DCC: variants seen among roughly 807,000 people sequenced by gnomAD.
The protein encoded by DCC is DCC netrin 1 receptor.
In DCC, 58 loss-of-function variants were observed where a neutral mutation model predicts 172.5. That is an observed-to-expected ratio of 0.34 (90% confidence interval 0.27 to 0.42). The LOEUF (loss-of-function observed/expected upper bound fraction) is 0.42, where lower values mean the gene tolerates loss of function less well. Among genes scored for constraint, DCC ranks in the 10% least tolerant of loss-of-function variants. DCC has a pLI of 1.00. For synonymous variants in DCC, 709 were observed against 644.5 expected (o/e 1.10, Z -1.52); for missense variants, 1,740 against 1,791.0 (o/e 0.97, Z 0.51).
intron 18 of DCC, among the ~76,000 whole-genome samples, chr18:53,398,402 T>C (rs769978827): frequency 2.0e-5 from 3 of 152,138 alleles, no homozygotes; most frequent in Non-Finnish European, 4.4e-5. Flanking sequence ...AATTTTAACA[T>C]CCTATTTTTC....
At chr18:52,377,646 TAGGA>T in intron 1 of DCC, among the ~76,000 whole-genome samples, 1 of 148,164 alleles carries the variant, frequency 6.7e-6, no homozygotes, top group Non-Finnish European at 1.5e-5. Context: ...TTTTTTTTTA[TAGGA>T]ACTGCAAAAA....
At chr18:52,440,932 T>C (rs935413778) in intron 1 of DCC, among the ~76,000 whole-genome samples, 1 of 152,204 alleles carries the variant, frequency 6.6e-6, no homozygotes, top group African/African-American at 2.4e-5. Flanking sequence ...AATTTCATAG[T>C]GCAATGGAAA....
chr18:52,754,721 G>A (rs2145137217), intron 2 of DCC, among the ~76,000 whole-genome samples: 1 of 152,320 alleles, frequency 6.6e-6, no homozygotes, highest in East Asian at 1.9e-4. Context: ...TTTACCTAGA[G>A]GTAGACTGGC....
At chr18:52,674,263 G>T (rs1055715883) in intron 1 of DCC, among the ~76,000 whole-genome samples, 1 of 152,112 alleles carries the variant, frequency 6.6e-6, no homozygotes, top group Non-Finnish European at 1.5e-5. Flanking sequence ...GCAAATCTTG[G>T]TATAGCTGAT....
intron 1 of DCC, among the ~76,000 whole-genome samples, chr18:52,362,783 C>G (rs940311347): frequency 6.6e-6 from 1 of 151,972 alleles, no homozygotes; most frequent in Non-Finnish European, 1.5e-5. Flanking sequence ...TCTTTTAGCC[C>G]CCCCCACTCC....
chr18:53,062,033 G>T (rs1387536080), intron 5 of DCC, among the ~76,000 whole-genome samples: 4 of 151,954 alleles, frequency 2.6e-5, no homozygotes, highest in African/African-American at 9.7e-5. Flanking sequence ...TATTGTCAGT[G>T]AATTTGACTA....
chr18:52,913,876 A>C (rs998300500), intron 3 of DCC, among the ~76,000 whole-genome samples: 5 of 152,094 alleles, frequency 3.3e-5, no homozygotes, highest in Admixed American at 6.6e-5. Context: ...AAAAATAGTG[A>C]AAAGACCTGT....
intron 1 of DCC, among the ~76,000 whole-genome samples, chr18:52,554,132 G>T (rs999944306): frequency 2.6e-5 from 4 of 152,064 alleles, no homozygotes; most frequent in African/African-American, 7.2e-5. Context: ...TGTTATCAGG[G>T]TTAATTAGGC....
At chr18:53,321,036 C>A (rs984719241) in intron 13 of DCC, among the ~76,000 whole-genome samples, 1 of 152,130 alleles carries the variant, frequency 6.6e-6, no homozygotes, top group Non-Finnish European at 1.5e-5. Flanking sequence ...ATTTAAAATA[C>A]CATCTCCTAT....
chr18:52,852,632 G>C (rs1159750515), intron 2 of DCC, among the ~76,000 whole-genome samples: 1 of 143,890 alleles, frequency 6.9e-6, no homozygotes, highest in Non-Finnish European at 1.5e-5. Flanking sequence ...TGTCTATTTG[G>C]TTAAAATTTG....
intron 1 of DCC, among the ~76,000 whole-genome samples, chr18:52,425,927 T>C (rs1348655417): frequency 6.6e-6 from 1 of 152,154 alleles, no homozygotes; most frequent in East Asian, 1.9e-4. Flanking sequence ...ATAAATATAA[T>C]ATTCTCTGTC....
At chr18:53,514,389 G>T (rs1329857085) in intron 27 of DCC, among the ~76,000 whole-genome samples, 1 of 152,074 alleles carries the variant, frequency 6.6e-6, no homozygotes, top group African/African-American at 2.4e-5. Flanking sequence ...ACCATTAAAA[G>T]AACTAGAAAA....
intron 2 of DCC, among the ~76,000 whole-genome samples, chr18:52,841,742 A>G (rs1190670397): frequency 2.6e-5 from 4 of 152,290 alleles, no homozygotes; most frequent in Non-Finnish European, 5.9e-5. Context: ...CTGGCTGGCA[A>G]AAGCTTACAG....
intron 12 of DCC, among the ~76,000 whole-genome samples, chr18:53,215,984 C>A (rs542990770): frequency 1.3e-5 from 2 of 152,224 alleles, no homozygotes; most frequent in South Asian, 4.1e-4. Flanking sequence ...AAGACTGTTT[C>A]CTAACACATT....
intron 3 of DCC, among the ~76,000 whole-genome samples, chr18:52,923,278 A>G (rs188107726): frequency 6.6e-6 from 1 of 152,146 alleles, no homozygotes; most frequent in South Asian, 2.1e-4. Context: ...AAATTCTAAT[A>G]TATTTGTTTC....
chr18:52,459,710 A>G (rs1343743180), intron 1 of DCC, among the ~76,000 whole-genome samples: 2 of 151,736 alleles, frequency 1.3e-5, no homozygotes, highest in African/African-American at 2.4e-5. Flanking sequence ...ACCTCGTGAT[A>G]TGCCCGCCTC....
At chr18:53,453,432 C>T (rs763725390) in intron 23 of DCC, among the ~76,000 whole-genome samples, 1 of 151,998 alleles carries the variant, frequency 6.6e-6, no homozygotes, top group Non-Finnish European at 1.5e-5. Context: ...TCTTCAATAT[C>T]TCTTTTGGGG....
chr18:52,382,961 G>A (rs1038755819), intron 1 of DCC, among the ~76,000 whole-genome samples: 1 of 151,948 alleles, frequency 6.6e-6, no homozygotes, highest in Non-Finnish European at 1.5e-5. Flanking sequence ...TAAAAATTAT[G>A]CACAAATAAA....
intron 1 of DCC, among the ~76,000 whole-genome samples, chr18:52,467,051 A>T (rs943520076): frequency 4.9e-4 from 72 of 147,060 alleles, no homozygotes; most frequent in South Asian, 3.2e-3. Context: ...TTTTAAAAAA[A>T]AAATATATAT....
Sources: allele counts gnomAD v4.1 joint callset (sites outside exome capture counted in the v4.1 genomes callset), GRCh38; gene constraint gnomAD v4.1.1; transcripts MANE v1.5; gene names NCBI Gene and HGNC (gene_info 2026-07-23, HGNC 2026-07-21).